VTI1A: variants seen among roughly 807,000 people sequenced by gnomAD.
VTI1A encodes the protein vesicle transport through interaction with t-SNAREs 1A.
In VTI1A, 22 loss-of-function variants were observed where a neutral mutation model predicts 34.9. The ratio of observed to expected loss-of-function variants is 0.63; its 90% CI spans 0.45 to 0.90. The LOEUF is 0.90. Ranked by LOEUF, VTI1A falls within the 40% of genes least tolerant of loss-of-function variation. VTI1A has a pLI of 0.00. For synonymous variants in VTI1A, 87 were observed against 97.3 expected (o/e 0.89, Z 0.62); for missense variants, 268 against 275.6 (o/e 0.97, Z 0.20).
chr10:112,608,644 C>A (rs897127924), intron 5 of VTI1A, among the ~76,000 whole-genome samples: 23 of 152,152 alleles, frequency 1.5e-4, no homozygotes, highest in African/African-American at 5.5e-4. Flanking sequence ...AAGATAAGCA[C>A]CTGTCATTTT....
At chr10:112,849,739 G>A in the VTI1A span, among the ~76,000 whole-genome samples, 97 of 152,340 alleles carry the variant, frequency 6.4e-4, no homozygotes, top group African/African-American at 2.0e-3. Context: ...GTTGTGATCC[G>A]CAACTTTTCC....
intron 1 of VTI1A, among the ~76,000 whole-genome samples, chr10:112,453,969 A>G (rs1847336512): frequency 1.3e-5 from 2 of 152,226 alleles, no homozygotes; most frequent in South Asian, 4.1e-4. Flanking sequence ...TATATATAGT[A>G]TGTTAAACAC....
intron 5 of VTI1A, among the ~76,000 whole-genome samples, chr10:112,546,558 T>C (rs762551574): frequency 4.6e-5 from 7 of 152,188 alleles, no homozygotes; most frequent in Non-Finnish European, 1.0e-4. Flanking sequence ...GAGTAGGCAT[T>C]ACTTGTCCGC....
At chr10:112,756,282 G>C (rs148223749) in intron 7 of VTI1A, among the ~76,000 whole-genome samples, 6 of 152,286 alleles carry the variant, frequency 3.9e-5, no homozygotes, top group Admixed American at 3.3e-4. Context: ...TCCAAAAGGG[G>C]TGGGGCGGGG....
At chr10:112,800,873 A>T (rs753895950) in intron 7 of VTI1A, among the ~76,000 whole-genome samples, 1 of 152,226 alleles carries the variant, frequency 6.6e-6, no homozygotes, top group Non-Finnish European at 1.5e-5. Flanking sequence ...AAAACAGTCA[A>T]GAGGATGTAA....
chr10:112,848,480 G>C, the VTI1A span, among the ~76,000 whole-genome samples: 11 of 152,228 alleles, frequency 7.2e-5, no homozygotes, highest in African/African-American at 2.7e-4. Context: ...TTGGAGAGCA[G>C]AGAAACCTCA....
chr10:112,498,844 A>G (rs1341007586), intron 3 of VTI1A, among the ~76,000 whole-genome samples: 4 of 152,146 alleles, frequency 2.6e-5, no homozygotes, highest in Non-Finnish European at 5.9e-5. Context: ...TAGGTGCTCT[A>G]TTCAGGTAGC....
At chr10:112,780,063 G>T (rs1231731391) in intron 7 of VTI1A, among the ~76,000 whole-genome samples, 11 of 150,528 alleles carry the variant, frequency 7.3e-5, no homozygotes, top group Admixed American at 7.3e-4. Flanking sequence ...GATCACTTGA[G>T]GCCAGGCATT....
chr10:112,832,209 A>G, the VTI1A span: 1 of 152,082 alleles, frequency 6.6e-6, no homozygotes. Flanking sequence ...ATTTTGATGT[A>G]GGGCAAGTTC....
intron 7 of VTI1A, among the ~76,000 whole-genome samples, chr10:112,784,699 C>T (rs962558631): frequency 5.3e-5 from 8 of 152,170 alleles, no homozygotes; most frequent in African/African-American, 1.9e-4. Context: ...CTACAAACGG[C>T]AAACCTCCCC....
At chr10:112,697,078 G>A (rs918556069) in intron 7 of VTI1A, among the ~76,000 whole-genome samples, 2 of 152,038 alleles carry the variant, frequency 1.3e-5, no homozygotes, top group Non-Finnish European at 2.9e-5. Context: ...CCTAGGTATA[G>A]TCAAATAGTA....
At chr10:112,776,290 G>T (rs1331721651) in intron 7 of VTI1A, among the ~76,000 whole-genome samples, 2 of 152,180 alleles carry the variant, frequency 1.3e-5, no homozygotes, top group African/African-American at 4.8e-5. Context: ...GAGAATTGGG[G>T]TGGGGTACTG....
chr10:112,538,331 G>A lies in VTI1A; in HGVS notation c.427+1G>A, dbSNP rs1287950135. On this transcript the variant is annotated splice_donor_variant, in intron 5 of 7. Transcript: ENST00000393077. LOFTEE classifies it high-confidence loss of function. Reference sequence around the variant, plus strand: ...GGATACCAAATAGCAGTGGAAACCGGTAAGAATTCTGAGAGTGAGCAAATT... The same window carrying A: ...GGATACCAAATAGCAGTGGAAACCGATAAGAATTCTGAGAGTGAGCAAATT... The A allele has an allele frequency of 1.2e-6, 2 of 1,613,428 alleles. No individual in the cohort carries two copies. Among genetic ancestry groups the A allele is most frequent in the Non-Finnish European group, 1.7e-6 (2 of 1,179,614 alleles).
At chr10:112,739,612 T>C (rs573216811) in intron 7 of VTI1A, among the ~76,000 whole-genome samples, 88 of 152,372 alleles carry the variant, frequency 5.8e-4, no homozygotes, top group African/African-American at 2.0e-3. Context: ...TTTCACTCAG[T>C]TACTCTGCAA....
chr10:112,492,268 A>G (rs1360536231), intron 3 of VTI1A, among the ~76,000 whole-genome samples: 5 of 152,222 alleles, frequency 3.3e-5, no homozygotes, highest in African/African-American at 4.8e-5. Context: ...CTGAGGGACT[A>G]ATAGATATTT....
chr10:112,460,649 C>T (rs1847700418), intron 2 of VTI1A, 67 bp downstream of exon 2: 1 of 1,299,324 alleles, frequency 7.7e-7, no homozygotes, highest in East Asian at 2.6e-5. Context: ...CTTCCTCTAG[C>T]CTGTTTTATA....
the VTI1A span, among the ~76,000 whole-genome samples, chr10:112,850,204 C>T: frequency 5.3e-5 from 8 of 152,046 alleles, no homozygotes; most frequent in Admixed American, 1.3e-4. Flanking sequence ...GATTAGAGCA[C>T]GGCCTATTAT....
intron 4 of VTI1A, among the ~76,000 whole-genome samples, 186 bp from the exon 5 acceptor site, chr10:112,538,060 G>A (rs931983398): frequency 1.3e-5 from 2 of 152,140 alleles, no homozygotes; most frequent in East Asian, 1.9e-4. Flanking sequence ...TGGTCCATAC[G>A]TGATTGCTGG....
At chr10:112,715,853 G>A (rs571252744) in intron 7 of VTI1A, among the ~76,000 whole-genome samples, 2 of 152,312 alleles carry the variant, frequency 1.3e-5, no homozygotes, top group African/African-American at 4.8e-5. Flanking sequence ...TCTAAGACTG[G>A]TGTATTCGCA....
Sources: gnomAD v4.1 joint callset for allele counts (sites outside exome capture counted in the v4.1 genomes callset) on GRCh38, gnomAD v4.1.1 for gene constraint, MANE v1.5 for transcripts, NCBI Gene and HGNC (gene_info 2026-07-23, HGNC 2026-07-21) for gene names.